The following GRB2 variants were observed in gnomAD, a reference collection of about 807,000 sequenced individuals.
GRB2 encodes growth factor receptor bound protein 2.
GRB2 carries 2 observed loss-of-function variants against 27.4 expected under a neutral mutation model. That is an observed-to-expected ratio of 0.07 (90% CI 0.03 to 0.23). GRB2 has a LOEUF of 0.23. Ranked by LOEUF, GRB2 falls within the 10% of genes least tolerant of loss-of-function variation. GRB2 has a pLI of 1.00. For missense variants in GRB2, 102 were observed against 282.4 expected (o/e 0.36, Z 4.58); for synonymous variants, 94 against 99.6 (o/e 0.94, Z 0.33).
Position 75,324,234 on chromosome 17 carries a change from C to G in GRB2, c.299+1664G>C, listed in dbSNP as rs528160987. 5.9e-5 allele frequency among the ~76,000 whole-genome samples: 9 copies of G among 152,104 alleles called. No homozygotes were observed. The East Asian group carries it at 7.7e-4, about 13-fold the overall frequency. ...TTGTTTTGGGAGACACAGTCTTACT[C>G]TGTCACTCAGGCTGGAGTGTAGTGG... On this transcript the variant is annotated intron_variant, in intron 4 of 5. Transcript: ENST00000316804.
intron 2 of GRB2, among the ~76,000 whole-genome samples, chr17:75,354,263 T>G (rs1453264553): frequency 1.9e-4 from 3 of 15,708 alleles, no homozygotes; most frequent in Non-Finnish European, 2.5e-4. Context: ...GTCTTTTTTT[T>G]TGGGGGGGGG....
chr17:75,336,982 C>T (rs1228362869), intron 2 of GRB2, among the ~76,000 whole-genome samples: 1 of 152,214 alleles, frequency 6.6e-6, no homozygotes, highest in Non-Finnish European at 1.5e-5. Context: ...AAGCAATCCA[C>T]CTACCTTGGC....
At chr17:75,400,558 T>C (rs188892685) in intron 1 of GRB2, among the ~76,000 whole-genome samples, 3 of 151,666 alleles carry the variant, frequency 2.0e-5, no homozygotes, top group Admixed American at 2.0e-4. Flanking sequence ...CACTGTAACC[T>C]CCACCTCCTG....
intron 2 of GRB2, among the ~76,000 whole-genome samples, chr17:75,356,315 A>G (rs1393497732): frequency 6.6e-6 from 1 of 151,970 alleles, no homozygotes; most frequent in East Asian, 1.9e-4. Context: ...CCAGGAGCCA[A>G]GACCAGCCTA....
intron 2 of GRB2, among the ~76,000 whole-genome samples, chr17:75,368,279 G>A (rs1440060125): frequency 5.4e-5 from 8 of 148,112 alleles, no homozygotes; most frequent in African/African-American, 2.0e-4. Context: ...GCAGTGATGC[G>A]ATCTTGGCTC....
intron 2 of GRB2, among the ~76,000 whole-genome samples, chr17:75,369,143 C>G (rs1182826599): frequency 6.6e-6 from 1 of 152,186 alleles, no homozygotes; most frequent in Middle Eastern, 3.2e-3. Context: ...TGGCCTCTCC[C>G]CTACTTCAAT....
rs538979008 is a variant in GRB2, at chr17:75,386,514, T to G, written c.78+7037A>C. On this transcript the variant is annotated intron_variant, in intron 2 of 5. Coordinates refer to ENST00000316804, the MANE Select transcript of GRB2 (RefSeq NM_002086.5). ...GAGAAAGACAATATTGGTAAAAATC[T>G]CCAGAGACATGGGAAAGTGGTAACC... Among the ~76,000 whole-genome samples, 362 of 152,294 alleles carry G rather than the reference T, an allele frequency of 2.4e-3. 1 individual carries two copies. Among genetic ancestry groups the G allele is most frequent in the African/African-American group, 7.6e-3 (317 of 41,566 alleles).
At chr17:75,381,594 A>C (rs2145863111) in intron 2 of GRB2, among the ~76,000 whole-genome samples, 1 of 151,404 alleles carries the variant, frequency 6.6e-6, no homozygotes, top group South Asian at 2.1e-4. Flanking sequence ...GGTGGCGGGC[A>C]CCTGTAATCC....
chr17:75,342,167 T>C (rs2078625703), intron 2 of GRB2, among the ~76,000 whole-genome samples: 1 of 152,154 alleles, frequency 6.6e-6, no homozygotes, highest in African/African-American at 2.4e-5. Flanking sequence ...AGGATTACTG[T>C]CAATAATATA....
At chr17:75,355,346 ATC>A (rs1359544196) in intron 2 of GRB2, among the ~76,000 whole-genome samples, 2 of 152,108 alleles carry the variant, frequency 1.3e-5, no homozygotes, top group African/African-American at 4.8e-5. Flanking sequence ...CTACTGCCTC[ATC>A]TCTCTGTTCC....
chr17:75,370,130 A>G (rs1385603254), intron 2 of GRB2, among the ~76,000 whole-genome samples: 2 of 152,326 alleles, frequency 1.3e-5, no homozygotes, highest in Non-Finnish European at 2.9e-5. Context: ...TATTTTGTGG[A>G]TATCATATGG....
At chr17:75,340,337 A>C (rs771342161) in intron 2 of GRB2, among the ~76,000 whole-genome samples, 2 of 152,232 alleles carry the variant, frequency 1.3e-5, no homozygotes, top group Non-Finnish European at 2.9e-5. Flanking sequence ...GCAGAAATTC[A>C]ACATAAGCCA....
At chr17:75,376,600 T>C (rs1416616208) in intron 2 of GRB2, among the ~76,000 whole-genome samples, 4 of 151,696 alleles carry the variant, frequency 2.6e-5, no homozygotes, top group African/African-American at 9.7e-5. Flanking sequence ...CTGTATAACA[T>C]AATTTGTAAC....
At position 75,357,384 on chromosome 17, in the gene GRB2, G is replaced by A. The variant is rs28402918; in HGVS notation, c.79-24587C>T. Among the ~76,000 whole-genome samples the A allele has an allele frequency of 3.0e-4, 45 of 152,210 alleles. No individual in the cohort carries two copies. In the East Asian group the frequency reaches 7.5e-3, roughly 25 times the overall value. On this transcript the variant is annotated intron_variant, in intron 2 of 5. Transcript: ENST00000316804. ...AGTATGAACTTTAGTTAATAATAAC[G>A]TATCAATATTGGCTCATTAATAGTA...
In GRB2 at chr17:75,403,850, A is replaced by T. The variant is rs896403154; in HGVS notation, c.-138+1639T>A. On this transcript the variant is annotated intron_variant, in intron 1 of 5. Transcript: ENST00000316804. ...TAACTCTGGCCGGGCGCGGTGGCTC[A>T]CGCCTGTAATCCCAACACTTTGGGA... Among the ~76,000 whole-genome samples, 6 of 152,232 alleles carry T rather than the reference A, an allele frequency of 3.9e-5. No individual in the cohort carries two copies. In the East Asian group the frequency reaches 9.6e-4, roughly 24 times the overall value.
At chr17:75,383,651 G>A (rs886129222) in intron 2 of GRB2, among the ~76,000 whole-genome samples, 45 of 152,108 alleles carry the variant, frequency 3.0e-4, no homozygotes, top group Non-Finnish European at 8.8e-5. Context: ...AGACCAGCCC[G>A]GCCAATATGG....
chr17:75,346,969 G>A (rs1161097792), intron 2 of GRB2, among the ~76,000 whole-genome samples: 1 of 152,104 alleles, frequency 6.6e-6, no homozygotes, highest in Non-Finnish European at 1.5e-5. Flanking sequence ...CAGACGAAGG[G>A]AGGGTCAGGT....
intron 2 of GRB2, among the ~76,000 whole-genome samples, chr17:75,392,309 C>T (rs2079003546): frequency 1.3e-5 from 2 of 152,332 alleles, no homozygotes; most frequent in African/African-American, 4.8e-5. Context: ...ACAAACACAG[C>T]TTTGAAATGA....
At chr17:75,375,674 G>C (rs904226196) in intron 2 of GRB2, among the ~76,000 whole-genome samples, 1 of 152,032 alleles carries the variant, frequency 6.6e-6, no homozygotes. Context: ...CTGAGGCTAG[G>C]AGTTTGAGAC....
Sources: allele counts gnomAD v4.1 joint callset (sites outside exome capture counted in the v4.1 genomes callset), GRCh38; gene constraint gnomAD v4.1.1; transcripts MANE v1.5; gene names NCBI Gene and HGNC (gene_info 2026-07-23, HGNC 2026-07-21).